PKHD1: variants seen among roughly 807,000 people sequenced by gnomAD.
PKHD1 encodes the protein fibrocystin.
In PKHD1, 291 loss-of-function variants were observed where a neutral mutation model predicts 412.0. That is an observed-to-expected ratio of 0.71 (90% confidence interval 0.64 to 0.78). The LOEUF (loss-of-function observed/expected upper bound fraction) is 0.78, where lower values mean the gene tolerates loss of function less well. Among genes scored for constraint, PKHD1 ranks in the 30% least tolerant of loss-of-function variants. The probability of loss-of-function intolerance (pLI) is 0.00; values close to 1 mark genes in which losing one functional copy is unlikely to be tolerated. For synonymous variants in PKHD1, 1,777 were observed against 1,821.5 expected, an observed-to-expected ratio of 0.98 and a Z score of 0.62; for missense variants, 4,825 against 4,950.7, an observed-to-expected ratio of 0.97 and a Z score of 0.76.
chr6:51,709,546 G>C (rs1464170007), intron 60 of PKHD1, among the ~76,000 whole-genome samples: 1 of 152,158 alleles, frequency 6.6e-6, no homozygotes, highest in Non-Finnish European at 1.5e-5. Context: ...AGAAATGATA[G>C]TGATCTTTGT....
chr6:51,778,676 A>G (rs1330022911), intron 53 of PKHD1, among the ~76,000 whole-genome samples: 1 of 152,064 alleles, frequency 6.6e-6, no homozygotes, highest in Non-Finnish European at 1.5e-5. Context: ...TTATTTGGGG[A>G]ATATGGTACA....
intron 37 of PKHD1, among the ~76,000 whole-genome samples, chr6:51,924,654 T>C (rs934608215): frequency 2.0e-5 from 3 of 152,138 alleles, no homozygotes; most frequent in African/African-American, 7.2e-5. Flanking sequence ...GTAATGGAGA[T>C]AGAGAGAAGG....
chr6:51,769,851 C>A (rs1460736024), intron 55 of PKHD1, among the ~76,000 whole-genome samples: 1 of 151,092 alleles, frequency 6.6e-6, no homozygotes, highest in Non-Finnish European at 1.5e-5. Flanking sequence ...TTGTTACTTC[C>A]CAGCTATTCT....
intron 36 of PKHD1, among the ~76,000 whole-genome samples, chr6:51,935,223 A>T (rs1787280877): frequency 6.6e-6 from 1 of 152,188 alleles, no homozygotes. Flanking sequence ...TGATACATAT[A>T]CCATTTTGCT....
Position 51,796,213 on chromosome 6 carries a change from A to G in PKHD1, c.8303-4840T>C, listed in dbSNP as rs574255493. 3.0e-4 allele frequency among the ~76,000 whole-genome samples: 45 copies of G among 151,332 alleles called. 2 individuals carry two copies. Among genetic ancestry groups the G allele is most frequent in the Middle Eastern group, 6.8e-3 (2 of 292 alleles). Reference sequence around the variant, plus strand: ...CATTATTAATCTATTCAGGGATTCAATTCTTCCTCGTTCAGTCTTGGGAGG... The same window carrying G: ...CATTATTAATCTATTCAGGGATTCAGTTCTTCCTCGTTCAGTCTTGGGAGG... On this transcript the variant is annotated intron_variant, in intron 52 of 66. Transcript: ENST00000371117.
chr6:51,950,322 G>T (rs1469769711), intron 36 of PKHD1, among the ~76,000 whole-genome samples: 2 of 151,258 alleles, frequency 1.3e-5, no homozygotes, highest in Non-Finnish European at 2.9e-5. Context: ...CCCTGGCGGG[G>T]TAGGGACCTG....
intron 36 of PKHD1, among the ~76,000 whole-genome samples, 167 bp from the exon 37 acceptor site, chr6:51,934,489 A>G (rs1561922141): frequency 6.6e-6 from 1 of 152,230 alleles, no homozygotes; most frequent in Non-Finnish European, 1.5e-5. Context: ...CCAGACATTC[A>G]GGAGTGGAAG....
intron 52 of PKHD1, among the ~76,000 whole-genome samples, chr6:51,799,021 T>C (rs1437472958): frequency 6.6e-6 from 1 of 152,142 alleles, no homozygotes; most frequent in Non-Finnish European, 1.5e-5. Context: ...ACTCCAAATG[T>C]ACCAACAAAT....
At chr6:51,671,417 C>T (rs1774953244) in intron 60 of PKHD1, among the ~76,000 whole-genome samples, 1 of 152,194 alleles carries the variant, frequency 6.6e-6, no homozygotes, top group South Asian at 2.1e-4. Context: ...TTAAGCACTT[C>T]TCTGTATTGG....
At chr6:51,746,524 T>G (rs1274536502) in intron 59 of PKHD1, among the ~76,000 whole-genome samples, 197 bp downstream of exon 59, 1 of 152,156 alleles carries the variant, frequency 6.6e-6, no homozygotes, top group Non-Finnish European at 1.5e-5. Flanking sequence ...TAGTGAGAGA[T>G]ATTTTAAAAA....
At chr6:51,641,097 C>T (rs1268658546) in intron 63 of PKHD1, among the ~76,000 whole-genome samples, 2 of 152,142 alleles carry the variant, frequency 1.3e-5, no homozygotes, top group Non-Finnish European at 2.9e-5. Flanking sequence ...TTCATGATGG[C>T]TTCAAGAGAA....
intron 37 of PKHD1, among the ~76,000 whole-genome samples, chr6:51,920,164 T>C (rs1784465885): frequency 6.6e-6 from 1 of 152,270 alleles, no homozygotes; most frequent in Admixed American, 6.5e-5. Flanking sequence ...CAACACTATG[T>C]TGAATAGGCG....
At chr6:52,036,352 C>G (rs1363517714) in intron 27 of PKHD1, among the ~76,000 whole-genome samples, 1 of 152,240 alleles carries the variant, frequency 6.6e-6, no homozygotes, top group Non-Finnish European at 1.5e-5. Flanking sequence ...TAAAGAGCAA[C>G]CACAGAAATC....
Position 51,768,146 on chromosome 6 carries a change from CT to C in PKHD1, c.8642+4555del, listed in dbSNP as rs559257964. ...AGAAGTGTCAGTTCATATGCTTCACCTACTTTTTGAGGGGGTTGTTTTTTTT... is the reference window on the plus strand; with the variant it reads ...AGAAGTGTCAGTTCATATGCTTCACCACTTTTTGAGGGGGTTGTTTTTTTT... On this transcript the variant is annotated intron_variant, in intron 55 of 66. Coordinates refer to ENST00000371117, the MANE Select transcript of PKHD1 (RefSeq NM_138694.4). Among the ~76,000 whole-genome samples, 56 of 148,526 alleles carry C rather than the reference CT, an allele frequency of 3.8e-4. 4 individuals carry two copies. In the South Asian group the frequency reaches 0.012, roughly 31 times the overall value.
At chr6:51,957,342 ACTT>A (rs1013676278) in intron 36 of PKHD1, among the ~76,000 whole-genome samples, 21 of 152,102 alleles carry the variant, frequency 1.4e-4, no homozygotes, top group African/African-American at 4.8e-4. Context: ...TCTGCAGGGT[ACTT>A]CTTCTATCTC....
At chr6:51,835,738 C>T (rs2151544849) in intron 51 of PKHD1, among the ~76,000 whole-genome samples, 1 of 152,184 alleles carries the variant, frequency 6.6e-6, no homozygotes, top group East Asian at 1.9e-4. Context: ...GTCCTCTTAC[C>T]TCATTTACCT....
intron 28 of PKHD1, 127 bp from the exon 29 acceptor site, chr6:52,033,292 A>G: frequency 1.3e-6 from 1 of 765,062 alleles, no homozygotes; most frequent in East Asian, 2.7e-5. Context: ...TAAAGGGTAT[A>G]TTTCCTACTT....
chr6:52,043,715 T>TGGG lies in PKHD1; in HGVS notation c.2730_2731insCCC (p.Val910_Asn911insPro), dbSNP rs1397403658. On this transcript the variant is annotated inframe_insertion, in exon 26 of 67. Coordinates refer to ENST00000371117, the MANE Select transcript of PKHD1 (RefSeq NM_138694.4). ...CCTGGGCAATGAGCTGGTACATCATTCACTCGCACAACCACCTGAAATGAG... is the reference window on the plus strand; with the variant it reads ...CCTGGGCAATGAGCTGGTACATCATTGGGCACTCGCACAACCACCTGAAATGAG... 1 of 1,613,406 alleles carries TGGG rather than the reference T, an allele frequency of 6.2e-7. No homozygotes were observed. The highest frequency in any genetic ancestry group is 8.5e-7 in the Non-Finnish European group (1 of 1,179,408).
chr6:51,868,146 G>C (rs761027861), intron 47 of PKHD1, 37 bp from the exon 48 acceptor site: 1 of 1,552,106 alleles, frequency 6.4e-7, no homozygotes, highest in East Asian at 2.2e-5. Context: ...TTACACAATG[G>C]CACAAATAGC....
Sources: allele counts gnomAD v4.1 joint callset (sites outside exome capture counted in the v4.1 genomes callset), GRCh38; gene constraint gnomAD v4.1.1; transcripts MANE v1.5; gene names NCBI Gene and HGNC (gene_info 2026-07-23, HGNC 2026-07-21).